The following CEP63 variants were observed in gnomAD, a reference collection of about 807,000 sequenced individuals.
CEP63 encodes the protein centrosomal protein of 63 kDa.
Under a neutral mutation model 89.1 loss-of-function variants are expected in CEP63, and 84 were observed. The ratio of observed to expected loss-of-function variants is 0.94; its 90% CI spans 0.79 to 1.13. The LOEUF (loss-of-function observed/expected upper bound fraction) is 1.13. Among genes scored for constraint, CEP63 ranks in the 50% most tolerant of loss-of-function variants. The probability of loss-of-function intolerance (pLI) is 0.00; values close to 1 mark genes in which losing one functional copy is unlikely to be tolerated. For synonymous variants in CEP63, 267 were observed against 272.5 expected, an observed-to-expected ratio of 0.98 and a Z score of 0.20; for missense variants, 838 against 813.3, an observed-to-expected ratio of 1.03 and a Z score of -0.37.
chr3:134,501,735 CTTTAGGGTTT>C (rs905069657), intron 2 of CEP63, among the ~76,000 whole-genome samples: 4 of 152,092 alleles, frequency 2.6e-5, no homozygotes, highest in Non-Finnish European at 5.9e-5. Flanking sequence ...TTTGGTAAAT[CTTTAGGGTTT>C]TCTAGGTAAA....
the CEP63 span, chr3:134,610,363 A>C: frequency 6.2e-7 from 1 of 1,612,750 alleles, no homozygotes; most frequent in African/African-American, 1.3e-5. Flanking sequence ...AGGCACGGTC[A>C]TACACTGCAC....
the CEP63 span, among the ~76,000 whole-genome samples, chr3:134,648,344 C>T: frequency 2.0e-5 from 3 of 152,314 alleles, no homozygotes; most frequent in African/African-American, 7.2e-5. Context: ...CCCTTCTTTT[C>T]TGCAGAGCCC....
chr3:134,737,226 T>C, the CEP63 span, among the ~76,000 whole-genome samples: 1 of 152,210 alleles, frequency 6.6e-6, no homozygotes, highest in African/African-American at 2.4e-5. Flanking sequence ...AAATTTTTCA[T>C]GGCTTTAGGG....
At chr3:134,777,672 G>T in the CEP63 span, among the ~76,000 whole-genome samples, 53 of 144,404 alleles carry the variant, frequency 3.7e-4, no homozygotes, top group Non-Finnish European at 5.8e-4. Context: ...AGGCTGGAGT[G>T]CAGTGGTCTT....
intron 10 of CEP63, among the ~76,000 whole-genome samples, chr3:134,581,679 A>ATTTTTTTTTTTTTTTTTTT (rs1231214008): frequency 8.1e-6 from 1 of 124,200 alleles, no homozygotes; most frequent in African/African-American, 3.2e-5. Context: ...TGATGAAAAC[A>ATTTTTTTTTTTTTTTTTTT]TTTTTTTTTT....
intron 6 of CEP63, among the ~76,000 whole-genome samples, chr3:134,538,326 A>G (rs1036645844): frequency 1.3e-5 from 2 of 150,224 alleles, no homozygotes; most frequent in Non-Finnish European, 3.0e-5. Context: ...CTGATAAACT[A>G]CCGACAGTGG....
At chr3:134,573,893 AG>A (rs1958120175) in intron 11 of CEP63, among the ~76,000 whole-genome samples, 1 of 152,160 alleles carries the variant, frequency 6.6e-6, no homozygotes, top group East Asian at 1.9e-4. Context: ...TGTTAGAGTT[AG>A]GCCCTGAGGT....
At chr3:134,536,966 G>A in intron 5 of CEP63, 189 bp from the exon 6 acceptor site, 1 of 601,264 alleles carries the variant, frequency 1.7e-6, no homozygotes, top group Non-Finnish European at 3.1e-6. Context: ...ATATCCAGAG[G>A]CACAGTATGT....
At chr3:134,501,692 T>G (rs1942047265) in intron 2 of CEP63, among the ~76,000 whole-genome samples, 1 of 152,224 alleles carries the variant, frequency 6.6e-6, no homozygotes, top group Non-Finnish European at 1.5e-5. Context: ...TTCTGAAACT[T>G]TACTGAAGCT....
the CEP63 span, among the ~76,000 whole-genome samples, chr3:134,759,924 GCA>G: frequency 6.6e-6 from 1 of 152,192 alleles, no homozygotes; most frequent in African/African-American, 2.4e-5. Context: ...AAAAACCAGA[GCA>G]CAGAGAGGTT....
At chr3:134,603,656 CT>C in the CEP63 span, 3 of 1,613,472 alleles carry the variant, frequency 1.9e-6, no homozygotes, top group Non-Finnish European at 1.7e-6. Context: ...ATGACATAGA[CT>C]TCCTGGCAGC....
the CEP63 span, among the ~76,000 whole-genome samples, chr3:134,714,976 C>T: frequency 1.3e-5 from 2 of 152,168 alleles, no homozygotes; most frequent in African/African-American, 4.8e-5. Context: ...GGAGGGTGTC[C>T]CAAACCCAGC....
At chr3:134,686,098 A>G in the CEP63 span, among the ~76,000 whole-genome samples, 1 of 152,194 alleles carries the variant, frequency 6.6e-6, no homozygotes, top group African/African-American at 2.4e-5. Flanking sequence ...GGGCTGCACA[A>G]GGGAAGAAGT....
the CEP63 span, among the ~76,000 whole-genome samples, chr3:134,652,749 T>C: frequency 2.0e-5 from 3 of 152,250 alleles, no homozygotes; most frequent in Non-Finnish European, 2.9e-5. Context: ...TCTTGGGGTG[T>C]TGGAGATTGC....
chr3:134,559,337 C>T lies in CEP63; in HGVS notation c.1861C>T (p.His621Tyr). 3.1e-6 allele frequency: 5 copies of T among 1,614,136 alleles called. No homozygotes were observed. Among genetic ancestry groups the T allele is most frequent in the Non-Finnish European group, 4.2e-6 (5 of 1,179,992 alleles). Residue 621 changes from histidine to tyrosine, a missense_variant, in exon 14 of 15, where the codon CAT (histidine) becomes TAT (tyrosine). By Grantham distance (83) the His-to-Tyr change is moderately conservative. Transcript: ENST00000675561. ...SLTSYSLCKTHSLPSALDTNE... is the reference protein window; with the variant it reads ...SLTSYSLCKTYSLPSALDTNE... ...GACTTCCTACTCTCTATGTAAAACT[C>T]ATTCTTTGCCTTCAGCGCTAGATAC...
chr3:134,627,687 G>A, the CEP63 span: 1 of 1,403,928 alleles, frequency 7.1e-7, no homozygotes, highest in East Asian at 2.3e-5. Flanking sequence ...ACTGTCAATT[G>A]GAGATTAGTC....
chr3:134,547,628 T>TTTTTTTTTTTTTTTTTTTTTTTTTTG, intron 9 of CEP63, among the ~76,000 whole-genome samples, 156 bp downstream of exon 9: 2 of 122,684 alleles, frequency 1.6e-5, no homozygotes, highest in East Asian at 2.3e-4. Context: ...TTTTTTTTTT[T>TTTTTTTTTTTTTTTTTTTTTTTTTTG]TGAGACGGAG....
chr3:134,725,920 G>T, the CEP63 span, among the ~76,000 whole-genome samples: 1 of 152,224 alleles, frequency 6.6e-6, no homozygotes, highest in East Asian at 1.9e-4. Flanking sequence ...ACTAGAGCCA[G>T]GATGGTGTCC....
the CEP63 span, among the ~76,000 whole-genome samples, chr3:134,756,370 G>T: frequency 9.2e-5 from 14 of 152,138 alleles, no homozygotes; most frequent in African/African-American, 3.1e-4. Context: ...TTGAGACAGG[G>T]TCTCACTCTG....
Sources: gnomAD v4.1 joint callset for allele counts (sites outside exome capture counted in the v4.1 genomes callset) on GRCh38, gnomAD v4.1.1 for gene constraint, MANE v1.5 for transcripts, NCBI Gene and HGNC (gene_info 2026-07-23, HGNC 2026-07-21) for gene names.